LARP6: variants seen among roughly 807,000 people sequenced by gnomAD.
LARP6 encodes the protein La ribonucleoprotein 6, translational regulator, also known as la-related protein 6.
LARP6 carries 18 observed loss-of-function variants against 32.8 expected under a neutral mutation model. That is an observed-to-expected ratio of 0.55 (90% CI 0.38 to 0.81). The LOEUF is 0.81. Among genes scored for constraint, LARP6 ranks in the 40% least tolerant of loss-of-function variants. LARP6 has a pLI of 0.00. For missense variants in LARP6, 598 were observed against 663.1 expected, an observed-to-expected ratio of 0.90 and a Z score of 1.08; for synonymous variants, 289 against 267.2, an observed-to-expected ratio of 1.08 and a Z score of -0.80.
At chr15:70,847,427 T>C (rs943503103) in intron 1 of LARP6, among the ~76,000 whole-genome samples, 2 of 152,048 alleles carry the variant, frequency 1.3e-5, no homozygotes, top group Admixed American at 6.6e-5. Flanking sequence ...TGGAGTGCAG[T>C]GGCACTATCT....
At chr15:70,836,542 C>T (rs377070261) in intron 1 of LARP6, 37 bp from the exon 2 acceptor site, 19 of 1,558,052 alleles carry the variant, frequency 1.2e-5, no homozygotes, top group African/African-American at 4.1e-5. Context: ...TTAGGGTCAA[C>T]GTTGAACTGT....
chr15:70,836,605 G>A, intron 1 of LARP6, 100 bp from the exon 2 acceptor site: 3 of 917,650 alleles, frequency 3.3e-6, no homozygotes, highest in Admixed American at 4.0e-5. Flanking sequence ...CTTGGAGTAT[G>A]ATGTTATTTG....
At chr15:70,845,978 C>T (rs1237118987) in intron 1 of LARP6, among the ~76,000 whole-genome samples, 1 of 151,944 alleles carries the variant, frequency 6.6e-6, no homozygotes, top group Non-Finnish European at 1.5e-5. Flanking sequence ...TCTTTTTTTT[C>T]CCCCTTAAAA....
Position 70,854,107 on chromosome 15 carries a change from G to T in LARP6, c.-19C>A. On this transcript the variant is annotated 5_prime_UTR_variant, in exon 1 of 3. Coordinates refer to ENST00000299213, the MANE Select transcript of LARP6 (RefSeq NM_018357.4). ...GGGCCATGGCTCGCGGGACTGCGGC[G>T]CCGCCGGGGTCCTCACGCCGCAAGG... 2 of 1,245,944 alleles carry T rather than the reference G, an allele frequency of 1.6e-6. No homozygotes were observed. The highest frequency in any genetic ancestry group is 2.0e-6 in the Non-Finnish European group (2 of 992,246). The allele number at this position is 1,245,944 out of a possible 1,614,324, so 77.2% of individuals were successfully genotyped here.
intron 1 of LARP6, chr15:70,852,163 A>G (rs767876524): frequency 2.6e-6 from 1 of 388,422 alleles, no homozygotes; most frequent in Non-Finnish European, 5.1e-6. Context: ...GATAGTGTGG[A>G]TCCTGTTCTT....
rs948722682 is a variant in LARP6 at position 70,832,699 on chromosome 15, T to C, written c.829A>G (p.Ile277Val). The C allele has an allele frequency of 2.5e-6, 4 of 1,605,086 alleles. No homozygotes were observed. The highest frequency in any genetic ancestry group is 3.4e-6 in the Non-Finnish European group (4 of 1,176,714). The change falls in exon 3 of 3, where the codon ATC (isoleucine) becomes GTC (valine). Residue 277 changes from isoleucine to valine, a missense_variant. Physicochemically the swap from Ile to Val is conservative, Grantham distance 29. Transcript: ENST00000299213. The stretch of plus-strand genomic sequence containing the variant: ...TTCTCTTTGCCCTGAGATTCTGTGA[T>C]CATGAACTCATGGGCTTTGATGGCT... Reference protein sequence around the residue: ...EAAIKAHEFMITESQGKENMK... With the variant: ...EAAIKAHEFMVTESQGKENMK...
chr15:70,835,952 T>A (rs2032139630), intron 2 of LARP6, among the ~76,000 whole-genome samples: 1 of 152,156 alleles, frequency 6.6e-6, no homozygotes, highest in Non-Finnish European at 1.5e-5. Flanking sequence ...GCCTGGCAGG[T>A]ATCTCTCAAG....
At position 70,832,813 on chromosome 15, in the gene LARP6, G is replaced by A; in HGVS notation, c.715C>T (p.Leu239=). 2 of 1,612,618 alleles carry A rather than the reference G, an allele frequency of 1.2e-6. No homozygotes were observed. The highest frequency in any genetic ancestry group is 1.7e-6 in the Non-Finnish European group (2 of 1,179,446). Residue 239 remains leucine, a synonymous_variant, in exon 3 of 3, where the codon CTG becomes TTG. Transcript: ENST00000299213. ...CTGATCCTCCGGATGTCAGGGGGCA[G>A]CTCTCTCCCAGGTTTGAGGATCCGC... is the stretch of plus-strand genomic sequence containing the variant. ...SVRILKPGRE[L]PPDIRRISSR... is the part of the protein sequence containing the mutation.
At chr15:70,837,992 C>T (rs1208400262) in intron 1 of LARP6, among the ~76,000 whole-genome samples, 1 of 152,184 alleles carries the variant, frequency 6.6e-6, no homozygotes, top group African/African-American at 2.4e-5. Context: ...GTTTCATATA[C>T]ACCTTATACA....
intron 1 of LARP6, among the ~76,000 whole-genome samples, chr15:70,840,267 C>T (rs559173582): frequency 3.9e-5 from 6 of 152,232 alleles, no homozygotes; most frequent in East Asian, 1.9e-4. Context: ...AGGCCGGGCG[C>T]GGTGGCTCAC....
At chr15:70,848,141 G>A (rs2032380453) in intron 1 of LARP6, among the ~76,000 whole-genome samples, 1 of 152,192 alleles carries the variant, frequency 6.6e-6, no homozygotes, top group Admixed American at 6.5e-5. Context: ...ATACAGGTAT[G>A]TTCTCAACTT....
In LARP6 at chr15:70,832,889, C is replaced by T; in HGVS notation, c.639G>A (p.Val213=). 1 of 1,607,668 alleles carries T rather than the reference C, an allele frequency of 6.2e-7. No individual in the cohort carries two copies. Among genetic ancestry groups the T allele is most frequent in the Non-Finnish European group, 8.5e-7 (1 of 1,177,414 alleles). ...PQKNGRVQEK[V]MEHLLKLFGT... ...CAAAAAGCTTGAGCAGGTGTTCCAT[C>T]ACCTTCTCTTGCACCCTTCCATTCT... Residue 213 remains valine, a synonymous_variant, in exon 3 of 3, where the codon GTG becomes GTA. Coordinates refer to ENST00000299213, the MANE Select transcript of LARP6 (RefSeq NM_018357.4).
chr15:70,846,406 C>T (rs545468474), intron 1 of LARP6, among the ~76,000 whole-genome samples: 7 of 152,198 alleles, frequency 4.6e-5, no homozygotes, highest in East Asian at 3.9e-4. Context: ...GCCAGGAGTT[C>T]GAGACTAGCT....
intron 1 of LARP6, among the ~76,000 whole-genome samples, chr15:70,837,307 C>T (rs1048702608): frequency 2.0e-5 from 3 of 152,046 alleles, no homozygotes; most frequent in Admixed American, 6.6e-5. Context: ...AGCTTGAACC[C>T]GGGAGGTCTA....
At position 70,832,044 on chromosome 15, in the gene LARP6, G is replaced by C; in HGVS notation, c.*8C>G. 4.8e-6 allele frequency: 7 copies of C among 1,458,316 alleles called. No individual in the cohort carries two copies. Among genetic ancestry groups the C allele is most frequent in the Non-Finnish European group, 6.4e-6 (7 of 1,099,168 alleles). 90.3% of individuals were successfully genotyped at this position (1,458,316 alleles called of 1,614,324 possible). A position where few individuals can be genotyped will look rare whatever the true frequency, so the allele number is the denominator to read the frequency against. On this transcript the variant is annotated 3_prime_UTR_variant, in exon 3 of 3. Coordinates refer to ENST00000299213, the MANE Select transcript of LARP6 (RefSeq NM_018357.4). ...TTCAGTGGAGCTTGTATTAAAAATA[G>C]AAGGTATTTATACACAGGCCCTGCT...
rs550794720 is a variant in LARP6 at position 70,845,664 on chromosome 15, G to A, written c.200+8225C>T. On this transcript the variant is annotated intron_variant, in intron 1 of 2. Coordinates refer to ENST00000299213, the MANE Select transcript of LARP6 (RefSeq NM_018357.4). Reference sequence around the variant, plus strand: ...GTACACAGCCCACACTTAGGGTGTGGGGAGTTATACTCCACAGCTATTCAC... The same window carrying A: ...GTACACAGCCCACACTTAGGGTGTGAGGAGTTATACTCCACAGCTATTCAC... 5.3e-5 allele frequency among the ~76,000 whole-genome samples: 8 copies of A among 152,326 alleles called. No homozygotes were observed. The East Asian group carries it at 1.5e-3, about 29-fold the overall frequency.
At chr15:70,849,540 G>T (rs1410395695) in intron 1 of LARP6, 2 of 152,200 alleles carry the variant, frequency 1.3e-5, no homozygotes, top group African/African-American at 4.8e-5. Context: ...CTGTGGAAAT[G>T]GCTGAATTCC....
Position 70,854,100 on chromosome 15 carries a change from C to G in LARP6, c.-12G>C. On this transcript the variant is annotated 5_prime_UTR_variant, in exon 1 of 3. Coordinates refer to ENST00000299213, the MANE Select transcript of LARP6 (RefSeq NM_018357.4). The stretch of plus-strand genomic sequence containing the variant: ...CCGGACTGGGCCATGGCTCGCGGGA[C>G]TGCGGCGCCGCCGGGGTCCTCACGC... 7.9e-7 allele frequency: 1 copy of G among 1,259,022 alleles called. No individual in the cohort carries two copies. The highest frequency in any genetic ancestry group is 1.0e-6 in the Non-Finnish European group (1 of 998,592). 78.0% of individuals were successfully genotyped at this position (1,259,022 alleles called of 1,614,324 possible).
At chr15:70,838,545 G>C (rs551849287) in intron 1 of LARP6, among the ~76,000 whole-genome samples, 2 of 152,198 alleles carry the variant, frequency 1.3e-5, no homozygotes, top group African/African-American at 4.8e-5. Flanking sequence ...TCTTAATAAA[G>C]CCCACTATCA....
Sources: gnomAD v4.1 joint callset for allele counts (sites outside exome capture counted in the v4.1 genomes callset) on GRCh38, gnomAD v4.1.1 for gene constraint, MANE v1.5 for transcripts, NCBI Gene and HGNC (gene_info 2026-07-23, HGNC 2026-07-21) for gene names.